IQSEC1: variants seen among roughly 807,000 people sequenced by gnomAD.
The protein encoded by IQSEC1 is IQ motif and Sec7 domain ArfGEF 1.
IQSEC1 carries 31 observed loss-of-function variants against 91.0 expected under a neutral mutation model. That is an observed-to-expected ratio of 0.34 (90% CI 0.26 to 0.46). IQSEC1 has a LOEUF of 0.46. Ranked by LOEUF, IQSEC1 falls within the 20% of genes least tolerant of loss-of-function variation. The pLI is 1.00. For missense variants in IQSEC1, 1,388 were observed against 1,575.6 expected (o/e 0.88, Z 2.02); for synonymous variants, 699 against 662.6 (o/e 1.05, Z -0.84).
In IQSEC1 at chr3:13,207,753, T is replaced by G. The variant is rs531882559; in HGVS notation, c.273-43620A>C. Among the ~76,000 whole-genome samples the G allele has an allele frequency of 1.9e-3, 291 of 152,110 alleles. 2 individuals are homozygous for G. The highest frequency in any genetic ancestry group is 9.0e-3 in the South Asian group (43 of 4,798). ...GCCATCGCCAGCTCTCCCGGGAGGC[T>G]CTCTCTCACCATCGCATCTAAACCA... On this transcript the variant is annotated intron_variant, in intron 1 of 15. Coordinates refer to the IQSEC1 transcript ENST00000648114. This position sits in a 1 kb window ranked among gnomAD's most constrained non-coding sequence, Gnocchi z 4.8.
intron 1 of IQSEC1, among the ~76,000 whole-genome samples, chr3:13,210,011 T>C (rs1694414412): frequency 6.6e-6 from 1 of 152,114 alleles, no homozygotes; most frequent in South Asian, 2.1e-4. Flanking sequence ...AGCAATGTCA[T>C]AGGCTCACTG....
chr3:13,235,864 T>TA (rs1422438753), intron 1 of IQSEC1, among the ~76,000 whole-genome samples: 2 of 152,192 alleles, frequency 1.3e-5, no homozygotes, highest in African/African-American at 4.8e-5. Flanking sequence ...ATCCTGTTCT[T>TA]ATGCCGCCCC....
At chr3:13,281,292 G>T (rs1337971052) in intron 1 of IQSEC1, among the ~76,000 whole-genome samples, 2 of 152,170 alleles carry the variant, frequency 1.3e-5, no homozygotes, top group African/African-American at 4.8e-5. Flanking sequence ...ACTGAAGAGT[G>T]AAGGGAGTCT....
intron 1 of IQSEC1, among the ~76,000 whole-genome samples, chr3:12,954,176 C>T (rs538127807): frequency 3.9e-5 from 6 of 152,282 alleles, no homozygotes; most frequent in South Asian, 2.1e-4. Context: ...TAAAGAGTAC[C>T]GTCAGCCTGC....
chr3:13,000,902 G>A (rs1276855179), intron 1 of IQSEC1, among the ~76,000 whole-genome samples: 1 of 151,842 alleles, frequency 6.6e-6, no homozygotes, highest in Non-Finnish European at 1.5e-5. Flanking sequence ...TTTTACAGGT[G>A]AGAAAACAGA....
At chr3:13,000,606 G>A (rs1328178698) in intron 1 of IQSEC1, among the ~76,000 whole-genome samples, 1 of 152,258 alleles carries the variant, frequency 6.6e-6, no homozygotes, top group East Asian at 1.9e-4. Context: ...GACGAGCACA[G>A]GGCCTGCTAC....
chr3:13,087,655 A>G (rs1705760938), intron 2 of IQSEC1, among the ~76,000 whole-genome samples: 2 of 152,254 alleles, frequency 1.3e-5, no homozygotes, highest in South Asian at 4.1e-4. Flanking sequence ...ACGGAAAACC[A>G]GGATCACTTG....
chr3:13,027,814 C>T (rs1424544880), intron 1 of IQSEC1, among the ~76,000 whole-genome samples: 2 of 152,154 alleles, frequency 1.3e-5, no homozygotes, highest in Admixed American at 1.3e-4. Flanking sequence ...GATGGCTGCT[C>T]TGTAGGAATA....
chr3:13,106,787 T>C (rs530449702), intron 2 of IQSEC1, among the ~76,000 whole-genome samples: 29 of 152,192 alleles, frequency 1.9e-4, no homozygotes, highest in Non-Finnish European at 3.7e-4. Context: ...TGAGCAAACA[T>C]CCTGGGTGGA....
intron 1 of IQSEC1, among the ~76,000 whole-genome samples, chr3:13,059,560 G>A (rs895952890): frequency 6.6e-6 from 1 of 152,106 alleles, no homozygotes; most frequent in Non-Finnish European, 1.5e-5. Flanking sequence ...AGACCAGCCC[G>A]GACAACATGG....
At chr3:13,271,794 C>CA (rs558882258) in intron 1 of IQSEC1, among the ~76,000 whole-genome samples, 111 of 152,064 alleles carry the variant, frequency 7.3e-4, no homozygotes, top group African/African-American at 2.4e-3. Flanking sequence ...GACCCTTTCT[C>CA]AAAAAAACTA....
chr3:13,196,749 C>CGTGTGTGTGT (rs5846802), intron 1 of IQSEC1, among the ~76,000 whole-genome samples: 4 of 148,386 alleles, frequency 2.7e-5, no homozygotes, highest in African/African-American at 7.4e-5. Flanking sequence ...CATGTGTGTG[C>CGTGTGTGTGT]GTGTGTGTGT....
At chr3:13,277,048 C>A (rs1559291715) in intron 1 of IQSEC1, among the ~76,000 whole-genome samples, 1 of 143,282 alleles carries the variant, frequency 7.0e-6, no homozygotes, top group Non-Finnish European at 1.5e-5. Flanking sequence ...ATACGGCTGA[C>A]ACCCTGACAA....
chr3:13,261,268 G>T (rs7633375), intron 1 of IQSEC1, among the ~76,000 whole-genome samples: 3 of 152,110 alleles, frequency 2.0e-5, no homozygotes, highest in East Asian at 1.9e-4. Flanking sequence ...CTCCCCCAGG[G>T]GCCACACACA....
Position 12,971,351 on chromosome 3 carries a change from G to A in IQSEC1, c.24-29486C>T, listed in dbSNP as rs79968505. 3.3e-5 allele frequency among the ~76,000 whole-genome samples: 5 copies of A among 152,274 alleles called. No homozygotes were observed. The East Asian group carries it at 9.7e-4, about 29-fold the overall frequency. ...CAAGATGGGATGCACTGTTGGGAAC[G>A]AATCCTACAGCGCCGCCTGCCCATG... is the stretch of plus-strand genomic sequence containing the variant. On this transcript the variant is annotated intron_variant, in intron 1 of 13. Transcript: ENST00000613206.
chr3:13,015,683 A>G (rs1258161215), intron 1 of IQSEC1: 1 of 985,144 alleles, frequency 1.0e-6, no homozygotes, highest in African/African-American at 1.7e-5. Context: ...GCAGGTCCTG[A>G]CGTCTGACTT....
At chr3:12,946,011 T>C (rs1257855763) in intron 1 of IQSEC1, among the ~76,000 whole-genome samples, 1 of 152,230 alleles carries the variant, frequency 6.6e-6, no homozygotes, top group Non-Finnish European at 1.5e-5. Context: ...GACTCAGCTC[T>C]ACCCAGTTTC....
At chr3:13,174,649 C>T (rs1693689333) in intron 1 of IQSEC1, among the ~76,000 whole-genome samples, 1 of 152,186 alleles carries the variant, frequency 6.6e-6, no homozygotes, top group Non-Finnish European at 1.5e-5. Flanking sequence ...CCACCAGCAG[C>T]ACTCCCTCTA....
At chr3:13,023,628 C>A (rs1703495310) in intron 1 of IQSEC1, among the ~76,000 whole-genome samples, 1 of 152,310 alleles carries the variant, frequency 6.6e-6, no homozygotes. Flanking sequence ...TGTCCCCAGG[C>A]CCCACCCCCG....
Sources: gnomAD v4.1 joint callset for allele counts (sites outside exome capture counted in the v4.1 genomes callset) on GRCh38, gnomAD v4.1.1 for gene constraint, Gnocchi (gnomAD v3.1) non-coding constraint, MANE v1.5 for transcripts, NCBI Gene and HGNC (gene_info 2026-07-23, HGNC 2026-07-21) for gene names.